The following ZFHX4 variants were observed in gnomAD, a reference collection of about 807,000 sequenced individuals.
ZFHX4 encodes zinc finger homeobox 4.
In ZFHX4, 56 loss-of-function variants were observed where a neutral mutation model predicts 267.6. The ratio of observed to expected loss-of-function variants is 0.21; its 90% CI spans 0.17 to 0.26. The LOEUF (loss-of-function observed/expected upper bound fraction) is 0.26, where lower values mean the gene tolerates loss of function less well. Among genes scored for constraint, ZFHX4 ranks in the 10% least tolerant of loss-of-function variants. ZFHX4 has a pLI of 1.00. For synonymous variants in ZFHX4, 1,778 were observed against 1,665.6 expected (o/e 1.07, Z -1.64); for missense variants, 4,332 against 4,420.0 (o/e 0.98, Z 0.56).
Position 76,790,815 on chromosome 8 carries a change from G to C in ZFHX4, c.3325+12376G>C, listed in dbSNP as rs1450187899. On this transcript the variant is annotated intron_variant, in intron 4 of 10. Transcript: ENST00000651372. The stretch of plus-strand genomic sequence containing the variant: ...ATAATTCCCAAGTTGGAACAATTCA[G>C]TTACAGAAACTTGCTACCTTTTAGG... Among the ~76,000 whole-genome samples, 6 of 152,074 alleles carry C rather than the reference G, an allele frequency of 3.9e-5. No individual in the cohort carries two copies. The East Asian group carries it at 1.2e-3, about 29-fold the overall frequency.
At position 76,864,929 on chromosome 8, in the gene ZFHX4, CAA is replaced by C. The variant is rs1812990350; in HGVS notation, c.*366_*367del. 6.3e-6 allele frequency: 1 copy of C among 159,714 alleles called. No homozygotes were observed. Among genetic ancestry groups the C allele is most frequent in the Non-Finnish European group, 1.4e-5 (1 of 72,990 alleles). The allele number at this position is 159,714 out of a possible 1,614,324, so 9.9% of individuals were successfully genotyped here. On this transcript the variant is annotated 3_prime_UTR_variant, in exon 11 of 11. Coordinates refer to ENST00000651372, the MANE Select transcript of ZFHX4 (RefSeq NM_024721.5). Reference sequence around the variant, plus strand: ...GTATGGGAGGATGATCCAGATGTTTCAAAGAGAATTTCTCTTAGTTTAGTTAG... The same window carrying C: ...GTATGGGAGGATGATCCAGATGTTTCAGAGAATTTCTCTTAGTTTAGTTAG...
At chr8:76,858,009 T>A (rs889730683) in intron 10 of ZFHX4, among the ~76,000 whole-genome samples, 3 of 152,158 alleles carry the variant, frequency 2.0e-5, no homozygotes, top group Admixed American at 6.5e-5. Flanking sequence ...AGTTGAAATA[T>A]CTGTACCTTT....
chr8:76,729,831 A>G (rs777011424), intron 3 of ZFHX4, among the ~76,000 whole-genome samples: 7 of 152,202 alleles, frequency 4.6e-5, no homozygotes, highest in Non-Finnish European at 7.3e-5. Flanking sequence ...GCCAGCCTGT[A>G]TGGGTTTACA....
chr8:76,844,031 G>A (rs941207353), intron 6 of ZFHX4, among the ~76,000 whole-genome samples: 24 of 152,100 alleles, frequency 1.6e-4, no homozygotes, highest in Non-Finnish European at 5.9e-5. Context: ...TCTAAGGTTG[G>A]TATTAAGCCG....
Position 76,850,382 on chromosome 8 carries a change from A to G in ZFHX4, c.3964+20A>G. On this transcript the variant is annotated intron_variant, in intron 9 of 10. Transcript: ENST00000651372. ...ATTCAGGTATGCCATCTTATCATCA[A>G]GACTTGTGAACAATACGCTTAGGGG... The G allele has an allele frequency of 6.3e-7, 1 of 1,579,416 alleles. No homozygotes were observed. Among genetic ancestry groups the G allele is most frequent in the South Asian group, 1.1e-5 (1 of 87,456 alleles).
Position 76,849,597 on chromosome 8 carries a change from C to T in ZFHX4, c.3731C>T (p.Pro1244Leu), listed in dbSNP as rs369863550. ...MHVLSQHSVQ[P>L]VICCPLCQDV... ...GTCCTATCACAGCACTCGGTGCAGC[C>T]GGTCATCTGCTGTCCTCTCTGTCAG... Residue 1244 changes from proline (P) to leucine (L), a missense_variant, in exon 8 of 11, where the codon CCG (proline) becomes CTG (leucine). Coordinates refer to ENST00000651372, the MANE Select transcript of ZFHX4 (RefSeq NM_024721.5). 4.2e-5 allele frequency: 67 copies of T among 1,613,930 alleles called. No individual in the cohort carries two copies. The highest frequency in any genetic ancestry group is 1.7e-4 in the Middle Eastern group (1 of 6,060).
intron 4 of ZFHX4, among the ~76,000 whole-genome samples, chr8:76,814,688 T>G (rs879571273): frequency 6.6e-6 from 1 of 152,166 alleles, no homozygotes; most frequent in Admixed American, 6.6e-5. Context: ...GAAACCCCAC[T>G]CCACTAATCT....
At chr8:76,819,673 A>G (rs993673350) in intron 4 of ZFHX4, among the ~76,000 whole-genome samples, 11 of 152,332 alleles carry the variant, frequency 7.2e-5, no homozygotes, top group Middle Eastern at 6.8e-3. Context: ...GCACCAGCTT[A>G]TAAGTATTGT....
intron 4 of ZFHX4, among the ~76,000 whole-genome samples, chr8:76,810,850 C>T (rs1476821581): frequency 1.3e-5 from 2 of 152,006 alleles, no homozygotes; most frequent in South Asian, 2.1e-4. Flanking sequence ...TACATAGAGG[C>T]ACTTTAAAAA....
chr8:76,795,779 C>G (rs180713565), intron 4 of ZFHX4, among the ~76,000 whole-genome samples: 1 of 151,954 alleles, frequency 6.6e-6, no homozygotes, highest in African/African-American at 2.4e-5. Context: ...TCAGGTGATC[C>G]GCCCGCCTCC....
intron 4 of ZFHX4, among the ~76,000 whole-genome samples, chr8:76,793,183 C>A (rs1364282853): frequency 1.3e-5 from 2 of 152,074 alleles, no homozygotes; most frequent in African/African-American, 2.4e-5. Flanking sequence ...GAAGGAATTA[C>A]AGTTACCTTC....
At chr8:76,701,212 A>T (rs1585859587) in intron 1 of ZFHX4, among the ~76,000 whole-genome samples, 1 of 152,270 alleles carries the variant, frequency 6.6e-6, no homozygotes, top group South Asian at 2.1e-4. Context: ...CAAAATAAAA[A>T]TTTTAAAATC....
chr8:76,773,064 T>G (rs10957815), intron 3 of ZFHX4, among the ~76,000 whole-genome samples: 42,567 of 152,016 alleles, frequency 0.28, 8,166 homozygotes, highest in African/African-American at 0.54. Context: ...AGAGAAGGCT[T>G]TGCGTCATCT....
chr8:76,773,071 A>G (rs1314837569), intron 3 of ZFHX4, among the ~76,000 whole-genome samples: 1 of 152,164 alleles, frequency 6.6e-6, no homozygotes, highest in East Asian at 1.9e-4. Context: ...GCTTTGCGTC[A>G]TCTGGATCTT....
rs754819020 is a variant in ZFHX4, at chr8:76,854,005, A to C, written c.7084A>C (p.Lys2362Gln). 5 of 1,613,832 alleles carry C rather than the reference A, an allele frequency of 3.1e-6. No homozygotes were observed. The highest frequency in any genetic ancestry group is 4.2e-6 in the Non-Finnish European group (5 of 1,179,868). The stretch of plus-strand genomic sequence containing the variant: ...GGATGCCACTGATCAAGTGGTATAC[A>C]AGCATTGCACAGTGTCTGGCCAAAC... ...SMDATDQVVY[K>Q]HCTVSGQTDA... The change falls in exon 10 of 11, where the codon AAG (lysine) becomes CAG (glutamine). Residue 2362 changes from lysine (K) to glutamine (Q), a missense_variant. Lys to Gln is a moderately conservative substitution (Grantham distance 53). Coordinates refer to ENST00000651372, the MANE Select transcript of ZFHX4 (RefSeq NM_024721.5).
At chr8:76,716,664 G>T (rs1453916186) in intron 3 of ZFHX4, among the ~76,000 whole-genome samples, 1 of 152,098 alleles carries the variant, frequency 6.6e-6, no homozygotes, top group African/African-American at 2.4e-5. Context: ...TAAAGGTATT[G>T]CAGATGTAGT....
intron 4 of ZFHX4, among the ~76,000 whole-genome samples, chr8:76,819,165 A>G (rs1051741168): frequency 2.9e-5 from 4 of 139,998 alleles, no homozygotes; most frequent in Non-Finnish European, 6.2e-5. Context: ...TTTTTTTTTA[A>G]CTCACAAAAA....
intron 3 of ZFHX4, among the ~76,000 whole-genome samples, chr8:76,748,445 T>C (rs1809520048): frequency 6.6e-6 from 1 of 152,258 alleles, no homozygotes; most frequent in African/African-American, 2.4e-5. Flanking sequence ...TTTGTATTTG[T>C]AGTTTTTTTG....
intron 3 of ZFHX4, among the ~76,000 whole-genome samples, chr8:76,744,959 A>G (rs1194443780): frequency 2.0e-5 from 3 of 152,090 alleles, no homozygotes; most frequent in African/African-American, 7.2e-5. Flanking sequence ...TTTTGAAAAA[A>G]GTACTCTTCT....
Sources: allele counts gnomAD v4.1 joint callset (sites outside exome capture counted in the v4.1 genomes callset), GRCh38; gene constraint gnomAD v4.1.1; transcripts MANE v1.5; gene names NCBI Gene and HGNC (gene_info 2026-07-23, HGNC 2026-07-21).